SNTG1: variants seen among roughly 807,000 people sequenced by gnomAD.
SNTG1 encodes syntrophin gamma 1.
Under a neutral mutation model 74.7 loss-of-function variants are expected in SNTG1, and 39 were observed. That is an observed-to-expected ratio of 0.52 (90% confidence interval 0.40 to 0.68). The LOEUF (loss-of-function observed/expected upper bound fraction) is 0.68, where lower values mean the gene tolerates loss of function less well. Among genes scored for constraint, SNTG1 ranks in the 30% least tolerant of loss-of-function variants. SNTG1 has a pLI of 0.00. For synonymous variants in SNTG1, 254 were observed against 217.1 expected, an observed-to-expected ratio of 1.17 and a Z score of -1.49; for missense variants, 685 against 609.5, an observed-to-expected ratio of 1.12 and a Z score of -1.30.
chr8:50,650,238 T>C (rs148307097), intron 13 of SNTG1, among the ~76,000 whole-genome samples: 410 of 152,228 alleles, frequency 2.7e-3, no homozygotes, highest in Middle Eastern at 6.8e-3. Flanking sequence ...TTTTCTTCGT[T>C]TTTTGAGTAT....
At chr8:50,075,504 C>G (rs1026506857) in intron 1 of SNTG1, among the ~76,000 whole-genome samples, 2 of 152,176 alleles carry the variant, frequency 1.3e-5, no homozygotes, top group South Asian at 4.1e-4. Flanking sequence ...TTAATCAGCA[C>G]CCCGTCAAAA....
intron 2 of SNTG1, among the ~76,000 whole-genome samples, chr8:50,326,520 A>T (rs1015827014): frequency 6.6e-6 from 1 of 151,756 alleles, no homozygotes; most frequent in Admixed American, 6.6e-5. Context: ...TTTAATTTCC[A>T]TGTGATCTAT....
At chr8:50,632,329 G>C (rs952227118) in intron 13 of SNTG1, among the ~76,000 whole-genome samples, 3 of 122,026 alleles carry the variant, frequency 2.5e-5, no homozygotes, top group Admixed American at 2.4e-4. Context: ...TTATTTATTT[G>C]AGAGAGGGTC....
chr8:50,615,112 T>TTTTG (rs567340957), intron 13 of SNTG1, among the ~76,000 whole-genome samples: 12 of 151,772 alleles, frequency 7.9e-5, no homozygotes, highest in South Asian at 6.2e-4. Context: ...CCAGCTAATT[T>TTTTG]TTTGTTTGTT....
At chr8:50,469,153 C>G (rs918667510) in intron 8 of SNTG1, among the ~76,000 whole-genome samples, 7 of 152,194 alleles carry the variant, frequency 4.6e-5, no homozygotes, top group African/African-American at 1.7e-4. Context: ...GGAATTCCTA[C>G]ATTTCTTGCA....
chr8:50,354,127 G>C (rs960938555), intron 2 of SNTG1, among the ~76,000 whole-genome samples: 5 of 152,148 alleles, frequency 3.3e-5, no homozygotes, highest in African/African-American at 1.2e-4. Flanking sequence ...AGCTCAGCCA[G>C]CCTGTTCTTT....
chr8:50,777,720 A>C (rs1234513273), intron 18 of SNTG1, among the ~76,000 whole-genome samples: 3 of 149,474 alleles, frequency 2.0e-5, no homozygotes, highest in Admixed American at 6.7e-5. Context: ...TTATTATTAT[A>C]CTTTAAGTTG....
chr8:50,110,737 CATT>C (rs1446340062), intron 1 of SNTG1, among the ~76,000 whole-genome samples: 3 of 151,918 alleles, frequency 2.0e-5, no homozygotes, highest in Admixed American at 1.3e-4. Flanking sequence ...AGTTACTACT[CATT>C]AATACTACTG....
intron 2 of SNTG1, among the ~76,000 whole-genome samples, chr8:50,342,383 A>G (rs16914723): frequency 0.065 from 9,952 of 152,096 alleles, 352 homozygotes; most frequent in African/African-American, 0.072. Context: ...ACAATAATTG[A>G]CTCCTTACTT....
chr8:49,989,748 C>A (rs1813505995), intron 1 of SNTG1, among the ~76,000 whole-genome samples: 1 of 151,910 alleles, frequency 6.6e-6, no homozygotes, highest in Non-Finnish European at 1.5e-5. Context: ...GAATATGCAT[C>A]ATGAACATGT....
intron 12 of SNTG1, among the ~76,000 whole-genome samples, chr8:50,581,181 T>G (rs1194434174): frequency 6.6e-6 from 1 of 152,216 alleles, no homozygotes. Flanking sequence ...AATGTGCACT[T>G]GCATTTATGA....
At chr8:50,563,398 C>T (rs1220919377) in intron 12 of SNTG1, among the ~76,000 whole-genome samples, 1 of 152,118 alleles carries the variant, frequency 6.6e-6, no homozygotes, top group Non-Finnish European at 1.5e-5. Context: ...ACATGTACTA[C>T]TCCTTAAATT....
intron 15 of SNTG1, among the ~76,000 whole-genome samples, chr8:50,674,428 T>C (rs923887620): frequency 6.6e-6 from 1 of 152,004 alleles, no homozygotes; most frequent in African/African-American, 2.4e-5. Flanking sequence ...CAGGAATTTA[T>C]TTATTTTTCT....
intron 17 of SNTG1, among the ~76,000 whole-genome samples, chr8:50,746,232 C>T (rs1296716370): frequency 6.6e-6 from 1 of 151,868 alleles, no homozygotes; most frequent in African/African-American, 2.4e-5. Context: ...TTTTAGTACT[C>T]TAAAAGTCAT....
At chr8:50,605,002 G>A (rs2094802985) in intron 13 of SNTG1, among the ~76,000 whole-genome samples, 1 of 152,122 alleles carries the variant, frequency 6.6e-6, no homozygotes, top group South Asian at 2.1e-4. Flanking sequence ...CAAGGCAGTG[G>A]GTTTCCTTCT....
In SNTG1 at chr8:50,563,791, C is replaced by T. The variant is rs1044939152; in HGVS notation, c.810+10612C>T. On this transcript the variant is annotated intron_variant, in intron 12 of 18. Transcript: ENST00000642720. ...CTTGTGGTTTCCTAAAACCTTCTTA[C>T]TGGAAGGTATCAGGAGATTATCTAG... is the stretch of plus-strand genomic sequence containing the variant. Among the ~76,000 whole-genome samples, 17 of 152,190 alleles carry T rather than the reference C, an allele frequency of 1.1e-4. 1 individual carries two copies. In the East Asian group the frequency reaches 2.9e-3, roughly 26 times the overall value.
intron 11 of SNTG1, among the ~76,000 whole-genome samples, chr8:50,544,591 T>C (rs1474671183): frequency 6.6e-6 from 1 of 152,122 alleles, no homozygotes; most frequent in East Asian, 1.9e-4. Context: ...AGAAAGGAAT[T>C]GTCTGAATGG....
intron 2 of SNTG1, among the ~76,000 whole-genome samples, chr8:50,193,820 C>A (rs906790044): frequency 3.3e-5 from 5 of 152,084 alleles, no homozygotes; most frequent in African/African-American, 1.2e-4. Flanking sequence ...TCCTAGATGA[C>A]CTTCATTACC....
chr8:50,384,943 C>T (rs2092550629), intron 2 of SNTG1, among the ~76,000 whole-genome samples: 1 of 151,982 alleles, frequency 6.6e-6, no homozygotes, highest in African/African-American at 2.4e-5. Context: ...GACTTGGTGT[C>T]CCATGGTTAA....
Sources: allele counts gnomAD v4.1 joint callset (sites outside exome capture counted in the v4.1 genomes callset), GRCh38; gene constraint gnomAD v4.1.1; transcripts MANE v1.5; gene names NCBI Gene and HGNC (gene_info 2026-07-23, HGNC 2026-07-21).